Variants in NUTM1 observed in about 807,000 individuals in gnomAD.
NUTM1 encodes NUT midline carcinoma family member 1, also known as NUT family member 1.
NUTM1 carries 39 observed loss-of-function variants against 88.7 expected under a neutral mutation model. The ratio of observed to expected loss-of-function variants is 0.44; its 90% CI spans 0.34 to 0.57. The LOEUF (loss-of-function observed/expected upper bound fraction) is 0.57, where lower values mean the gene tolerates loss of function less well. Ranked by LOEUF, NUTM1 falls within the 20% of genes least tolerant of loss-of-function variation. The pLI, the probability that NUTM1 is intolerant of heterozygous loss-of-function variation, is 0.01. For missense variants in NUTM1, 1,350 were observed against 1,414.5 expected, an observed-to-expected ratio of 0.95 and a Z score of 0.73; for synonymous variants, 494 against 538.0, an observed-to-expected ratio of 0.92 and a Z score of 1.13.
rs574609780 is a variant in NUTM1 at position 34,354,926 on chromosome 15, G to A, written c.1363-95G>A. ...TTTACAATACCGGAGGGGTAAGAGG[G>A]GAGAGTTGGGGAGCTCTTAGTTTCT... is the stretch of plus-strand genomic sequence containing the variant. On this transcript the variant is annotated intron_variant, in intron 6 of 7. Transcript: ENST00000537011. 2.8e-6 allele frequency: 3 copies of A among 1,060,270 alleles called. No homozygotes were observed. In the South Asian group the frequency reaches 4.0e-5, roughly 14 times the overall value. 65.7% of individuals were successfully genotyped at this position (1,060,270 alleles called of 1,614,324 possible).
rs149778619 is a variant in NUTM1 at position 34,357,141 on chromosome 15, C to T, written c.3133C>T (p.Leu1045Phe). ...KKEAEEEDEE[L>F]SNFAYLLASK... ...GGAAGCAGAGGAAGAGGATGAGGAA[C>T]TCTCCAACTTTGCTTACCTCTTGGC... Residue 1045 changes from leucine (L) to phenylalanine (F), a missense_variant, in exon 8 of 8, where the codon CTC becomes TTC. Leu to Phe is a conservative substitution (Grantham distance 22). This residue lies in a region of NUTM1 where 730 missense variants were observed against 728.8 expected (regional missense o/e 1.00). Coordinates refer to ENST00000537011, the MANE Select transcript of NUTM1 (RefSeq NM_001284292.2). 8.7e-6 allele frequency: 14 copies of T among 1,614,076 alleles called. No individual in the cohort carries two copies. In the African/African-American group the frequency reaches 1.1e-4, roughly 12 times the overall value.
Position 34,348,338 on chromosome 15 carries a change from C to T in NUTM1, c.470C>T (p.Pro157Leu). The part of the protein sequence containing the change: ...PGTPCGGLEG[P>L]APPFVTASNV... ...ACTCCCTGTGGAGGCCTTGAGGGTC[C>T]TGCACCTCCATTTGTGACAGCATCT... Residue 157 changes from proline (P) to leucine (L), a missense_variant, in exon 3 of 8, where the codon CCT becomes CTT. By Grantham distance (98) the Pro-to-Leu change is moderately conservative. Coordinates refer to ENST00000537011, the MANE Select transcript of NUTM1 (RefSeq NM_001284292.2). 5.0e-6 allele frequency: 8 copies of T among 1,614,262 alleles called. No homozygotes were observed. The highest frequency in any genetic ancestry group is 6.8e-6 in the Non-Finnish European group (8 of 1,180,044).
At position 34,356,576 on chromosome 15, in the gene NUTM1, C is replaced by T. The variant is rs137916466; in HGVS notation, c.2568C>T (p.Thr856=). The T allele has an allele frequency of 3.3e-5, 54 of 1,613,836 alleles. No homozygotes were observed. The highest frequency in any genetic ancestry group is 4.0e-5 in the African/African-American group (3 of 74,844). ...AAAATCAAGAACAGAGCTGTGAAAC[C>T]GTAGGGCATCCCAGTGATCTGTGGG... ...SKENQEQSCE[T]VGHPSDLWAE... Residue 856 remains threonine (T), a synonymous_variant, in exon 8 of 8, where the codon ACC becomes ACT. Coordinates refer to ENST00000537011, the MANE Select transcript of NUTM1 (RefSeq NM_001284292.2).
In NUTM1 at chr15:34,348,591, C is replaced by A. The variant is rs754673531; in HGVS notation, c.723C>A (p.Asn241Lys). ...RSKISKDVYE[N>K]FRQWQRYKAL... ...AAATTTCCAAGGACGTTTATGAGAA[C>A]TTCCGTCAGTGGCAGCGTTACAAAG... The change falls in exon 3 of 8, where the codon AAC becomes AAA. Residue 241 changes from asparagine to lysine, a missense_variant. Around this residue, in one of 5 missense-constraint regions of NUTM1, gnomAD observed 399 missense variants for 397.9 expected, o/e 1.00. Transcript: ENST00000537011. 6.2e-7 allele frequency: 1 copy of A among 1,612,778 alleles called. No individual in the cohort carries two copies. The highest frequency in any genetic ancestry group is 8.5e-7 in the Non-Finnish European group (1 of 1,180,044).
chr15:34,357,037 C>T lies in NUTM1; in HGVS notation c.3029C>T (p.Ala1010Val). The change falls in exon 8 of 8, where the codon GCC (alanine) becomes GTC (valine). Residue 1010 changes from alanine (A) to valine (V), a missense_variant. Ala to Val is a moderately conservative substitution (Grantham distance 64, BLOSUM62 0). Transcript: ENST00000537011. ...TTGCCTAGAAGGGGAACCAGGAATGCCATAGTTCCGAGAGAAACTTCTGTT... is the reference window on the plus strand; with the variant it reads ...TTGCCTAGAAGGGGAACCAGGAATGTCATAGTTCCGAGAGAAACTTCTGTT... ...STLPRRGTRN[A>V]IVPRETSVSK... 1 of 1,613,964 alleles carries T rather than the reference C, an allele frequency of 6.2e-7. No individual in the cohort carries two copies. The highest frequency in any genetic ancestry group is 1.3e-5 in the African/African-American group (1 of 74,940).
chr15:34,356,752 G>C lies in NUTM1; in HGVS notation c.2744G>C (p.Arg915Thr). The C allele has an allele frequency of 6.2e-7, 1 of 1,612,930 alleles. No individual in the cohort carries two copies. The highest frequency in any genetic ancestry group is 1.1e-5 in the South Asian group (1 of 91,002). ...GAAGCCAGTCAAGAGGCAGGGAGCA[G>C]AGGCAATTCCTTTTCTCCTCTGTTG... Reference protein sequence around the residue: ...LPEASQEAGSRGNSFSPLLET... With the variant: ...LPEASQEAGSTGNSFSPLLET... Residue 915 changes from arginine (R) to threonine (T), a missense_variant, in exon 8 of 8, where the codon AGA (arginine) becomes ACA (threonine). Arg to Thr is a moderately conservative substitution (Grantham distance 71). Transcript: ENST00000537011.
Position 34,356,685 on chromosome 15 carries a change from A to C in NUTM1, c.2677A>C (p.Asn893His), listed in dbSNP as rs187736578. Residue 893 changes from asparagine to histidine, a missense_variant, in exon 8 of 8, where the codon AAT (asparagine) becomes CAT (histidine). This residue lies in a region of NUTM1 where 730 missense variants were observed against 728.8 expected (regional missense o/e 1.00). Transcript: ENST00000537011. ...KETLPPTCQG[N>H]LLIMGTEDAS... ...AACCCTTCCACCCACATGCCAAGGC[A>C]ATCTCCTTATCATGGGGACTGAGGA... is the stretch of plus-strand genomic sequence containing the variant. The C allele has an allele frequency of 4.3e-6, 7 of 1,613,758 alleles. No individual in the cohort carries two copies. In the African/African-American group the frequency reaches 9.4e-5, roughly 22 times the overall value.
chr15:34,350,614 A>C, intron 3 of NUTM1, 90 bp from the exon 4 acceptor site: 1 of 1,480,160 alleles, frequency 6.8e-7, no homozygotes. Context: ...AGATTTGATG[A>C]GGGGCAGGGG....
chr15:34,354,782 C>T, intron 6 of NUTM1, 50 bp downstream of exon 6: 1 of 1,567,180 alleles, frequency 6.4e-7, no homozygotes, highest in Non-Finnish European at 8.8e-7. Flanking sequence ...GGGGTGGGTA[C>T]TCCCGGGAAC....
intron 5 of NUTM1, 80 bp downstream of exon 5, chr15:34,353,952 A>G (rs1890752874): frequency 1.3e-6 from 2 of 1,501,098 alleles, no homozygotes; most frequent in Non-Finnish European, 9.2e-7. Context: ...CAGATTAGAG[A>G]AGGCATAGCC....
chr15:34,354,621 T>C lies in NUTM1; in HGVS notation c.1251T>C (p.Asp417=). The part of the protein sequence containing the change: ...VGTHLATGES[D]GKQEEEGQQQ... ...CTCACTTGGCCACTGGGGAGTCAGATGGAAAACAAGAGGAAGAAGGGCAGC... is the reference window on the plus strand; with the variant it reads ...CTCACTTGGCCACTGGGGAGTCAGACGGAAAACAAGAGGAAGAAGGGCAGC... The change falls in exon 6 of 8, where the codon GAT becomes GAC. Residue 417 remains aspartate, a synonymous_variant. Transcript: ENST00000537011. 6.2e-7 allele frequency: 1 copy of C among 1,614,074 alleles called. No individual in the cohort carries two copies. Among genetic ancestry groups the C allele is most frequent in the Non-Finnish European group, 8.5e-7 (1 of 1,180,016 alleles).
chr15:34,356,404 G>A lies in NUTM1; in HGVS notation c.2396G>A (p.Gly799Asp). 1 of 1,611,892 alleles carries A rather than the reference G, an allele frequency of 6.2e-7. No individual in the cohort carries two copies. The highest frequency in any genetic ancestry group is 8.5e-7 in the Non-Finnish European group (1 of 1,178,992). Residue 799 changes from glycine to aspartate, a missense_variant, in exon 8 of 8, where the codon GGT becomes GAT. Physicochemically the swap from Gly to Asp is moderately conservative, Grantham distance 94 (BLOSUM62 -1). Coordinates refer to ENST00000537011, the MANE Select transcript of NUTM1 (RefSeq NM_001284292.2). ...GLGSRGNISL[G>D]PGETLVPGDT... Reference sequence around the variant, plus strand: ...GGCTCCAGGGGCAACATTTCCCTGGGTCCTGGAGAAACCCTAGTACCTGGG... The same window carrying A: ...GGCTCCAGGGGCAACATTTCCCTGGATCCTGGAGAAACCCTAGTACCTGGG...
chr15:34,351,057 A>T (rs1354473459), intron 4 of NUTM1, among the ~76,000 whole-genome samples: 3 of 140,680 alleles, frequency 2.1e-5, no homozygotes, highest in Non-Finnish European at 4.7e-5. Flanking sequence ...TGTCTCTACT[A>T]AAAAAAAAAA....
intron 3 of NUTM1, 31 bp downstream of exon 3, chr15:34,348,708 T>C: frequency 6.8e-7 from 1 of 1,472,782 alleles, no homozygotes; most frequent in South Asian, 1.2e-5. Flanking sequence ...TTAATTATTC[T>C]AGGGCTTTTA....
rs367935803 is a variant in NUTM1 at position 34,354,500 on chromosome 15, G to C, written c.1130G>C (p.Arg377Pro). 3.1e-6 allele frequency: 5 copies of C among 1,614,070 alleles called. No homozygotes were observed. Among genetic ancestry groups the C allele is most frequent in the Non-Finnish European group, 4.2e-6 (5 of 1,180,056 alleles). ...SKTRAPRRRQ[R>P]KAQRPPAPEA... is the part of the protein sequence containing the mutation. ...ACACGGGCCCCCCGCCGGCGTCAGCGTAAAGCCCAGAGACCTCCTGCTCCT... is the reference window on the plus strand; with the variant it reads ...ACACGGGCCCCCCGCCGGCGTCAGCCTAAAGCCCAGAGACCTCCTGCTCCT... The change falls in exon 6 of 8, where the codon CGT becomes CCT. Residue 377 changes from arginine to proline, a missense_variant. Around this residue, in one of 5 missense-constraint regions of NUTM1, gnomAD observed 89 missense variants for 76.0 expected, o/e 1.17. Transcript: ENST00000537011.
In NUTM1 at chr15:34,356,435, G is replaced by A. The variant is rs112770464; in HGVS notation, c.2427G>A (p.Thr809=). 255 of 1,610,864 alleles carry A rather than the reference G, an allele frequency of 1.6e-4. 2 individuals are homozygous for A. In the African/African-American group the frequency reaches 2.8e-3, roughly 18 times the overall value. The change falls in exon 8 of 8, where the codon ACG becomes ACA. Residue 809 remains threonine (T), a synonymous_variant. Coordinates refer to ENST00000537011, the MANE Select transcript of NUTM1 (RefSeq NM_001284292.2). ...GAGAAACCCTAGTACCTGGGGATAC[G>A]GAGAGCAGTGTGATTCCCTGTGGAG... ...GPGETLVPGD[T]ESSVIPCGGT...
At chr15:34,347,521 G>A (rs1346970951) in intron 2 of NUTM1, among the ~76,000 whole-genome samples, 1 of 151,746 alleles carries the variant, frequency 6.6e-6, no homozygotes, top group East Asian at 1.9e-4. Context: ...GCCTCCCAAA[G>A]TGCTGGGATT....
chr15:34,346,777 C>T (rs1414469138), intron 2 of NUTM1, among the ~76,000 whole-genome samples: 1 of 140,084 alleles, frequency 7.1e-6, no homozygotes, highest in Non-Finnish European at 1.5e-5. Flanking sequence ...CAGCTACTTG[C>T]GGGGCTGAGG....
intron 3 of NUTM1, among the ~76,000 whole-genome samples, chr15:34,350,449 T>C (rs1186580290): frequency 3.9e-5 from 6 of 152,190 alleles, no homozygotes; most frequent in African/African-American, 1.4e-4. Flanking sequence ...TTGCCATTGA[T>C]TTTAAAAGGT....
Sources: allele counts gnomAD v4.1 joint callset (sites outside exome capture counted in the v4.1 genomes callset), GRCh38; gene constraint gnomAD v4.1.1; regional missense constraint gnomAD v4.1.1; transcripts MANE v1.5; gene names NCBI Gene and HGNC (gene_info 2026-07-23, HGNC 2026-07-21).